The following TRPC5 variants were observed in gnomAD, a reference collection of about 807,000 sequenced individuals.
TRPC5 encodes the protein transient receptor potential cation channel subfamily C member 5.
In TRPC5, 9 loss-of-function variants were observed where a neutral mutation model predicts 56.5. The observed-to-expected ratio is 0.16, with a 90% CI of 0.10 to 0.28. The LOEUF (loss-of-function observed/expected upper bound fraction) is 0.28. TRPC5 is among the 10% of genes least tolerant of loss of function. TRPC5 has a pLI of 1.00. For missense variants in TRPC5, 469 were observed against 748.9 expected, an observed-to-expected ratio of 0.63 and a Z score of 4.36; for synonymous variants, 282 against 278.5, an observed-to-expected ratio of 1.01 and a Z score of -0.13.
At chrX:111,963,079 A>G (rs1048265909) in intron 1 of TRPC5, among the ~76,000 whole-genome samples, 1 of 112,262 alleles carries the variant, frequency 8.9e-6, no homozygotes, top group Non-Finnish European at 1.9e-5. Flanking sequence ...TCCTAGTCAA[A>G]GAAAGGGGTG....
chrX:111,817,808 A>C (rs779383677), intron 7 of TRPC5, among the ~76,000 whole-genome samples: 2 of 111,561 alleles, frequency 1.8e-5, no homozygotes, highest in Non-Finnish European at 3.8e-5. Flanking sequence ...GCTTTCATGC[A>C]CATCTACCAC....
chrX:111,817,799 C>T (rs1435975802), intron 7 of TRPC5, among the ~76,000 whole-genome samples: 3 of 111,523 alleles, frequency 2.7e-5, no homozygotes, highest in East Asian at 5.6e-4. Flanking sequence ...CTGACTCCTG[C>T]TTTCATGCAC....
chrX:111,852,193 CCAT>C (rs1923104167), intron 5 of TRPC5, 102 bp downstream of exon 5: 4 of 757,360 alleles, frequency 5.3e-6, no homozygotes, highest in Non-Finnish European at 7.7e-6. Flanking sequence ...ATGGATTGAG[CCAT>C]CATCATCATC....
intron 2 of TRPC5, among the ~76,000 whole-genome samples, chrX:111,932,471 C>G (rs1367104926): frequency 1.8e-5 from 2 of 110,710 alleles, no homozygotes; most frequent in African/African-American, 6.6e-5. Flanking sequence ...AGGAAGAAGA[C>G]AGATGAAAGA....
chrX:111,966,418 C>A (rs1459502755), intron 1 of TRPC5, among the ~76,000 whole-genome samples: 1 of 111,879 alleles, frequency 8.9e-6, no homozygotes, highest in Non-Finnish European at 1.9e-5. Context: ...GAACTGGTAC[C>A]ATTCCTTCTG....
At chrX:111,864,308 C>A (rs7885584) in intron 3 of TRPC5, among the ~76,000 whole-genome samples, 11,314 of 111,972 alleles carry the variant, frequency 0.1, 1,319 homozygotes, top group African/African-American at 0.34. Flanking sequence ...AATTCGTTTT[C>A]TATGTTGCTG....
At position 111,860,597 on chromosome X, in the gene TRPC5, G is replaced by A. The variant is rs563660808; in HGVS notation, c.901-6491C>T. Among the ~76,000 whole-genome samples, 53 of 112,017 alleles carry A rather than the reference G, an allele frequency of 4.7e-4. 1 individual carries two copies. The South Asian group carries it at 0.019, about 41-fold the overall frequency. On this transcript the variant is annotated intron_variant, in intron 3 of 10. Transcript: ENST00000262839. ...AACAATTGTCTGTAAATAACAAAAT[G>A]TCCAGTTTGGATACAGTTAGAAACA... is the stretch of plus-strand genomic sequence containing the variant.
intron 3 of TRPC5, among the ~76,000 whole-genome samples, chrX:111,905,686 A>G (rs1398692452): frequency 1.6e-4 from 18 of 110,943 alleles, no homozygotes; most frequent in East Asian, 5.7e-4. Flanking sequence ...AGGCCAAGGC[A>G]AGTGGATCAC....
At chrX:111,901,825 T>C (rs1276601475) in intron 3 of TRPC5, 1 of 1,056,394 alleles carries the variant, frequency 9.5e-7, no homozygotes, top group East Asian at 3.3e-5. Flanking sequence ...AGTGATATTT[T>C]ATCTATTTAG....
At chrX:111,942,491 TG>T (rs1409180280) in intron 2 of TRPC5, among the ~76,000 whole-genome samples, 1 of 111,320 alleles carries the variant, frequency 9.0e-6, no homozygotes, top group East Asian at 2.8e-4. Flanking sequence ...AAGAGTAGCT[TG>T]GGGGGCAGGA....
intron 3 of TRPC5, chrX:111,903,710 AAG>A (rs1364902302): frequency 8.9e-6 from 1 of 112,023 alleles, no homozygotes; most frequent in African/African-American, 3.2e-5. Flanking sequence ...CATGGCAGAA[AAG>A]AGAGGGGCTC....
intron 1 of TRPC5, among the ~76,000 whole-genome samples, chrX:112,009,793 C>T (rs1336004072): frequency 9.0e-6 from 1 of 110,732 alleles, no homozygotes; most frequent in Non-Finnish European, 1.9e-5. Flanking sequence ...GGGAATCGAA[C>T]AATGAGAACA....
intron 1 of TRPC5, among the ~76,000 whole-genome samples, chrX:112,020,308 T>C (rs1929239950): frequency 8.9e-6 from 1 of 112,404 alleles, no homozygotes. Flanking sequence ...GCTCTATTTC[T>C]CTTTCAGGAC....
chrX:112,009,362 A>T (rs1453780583), intron 1 of TRPC5, among the ~76,000 whole-genome samples: 1 of 111,062 alleles, frequency 9.0e-6, no homozygotes, highest in Non-Finnish European at 1.9e-5. Context: ...TGCTTCGGGT[A>T]TCTTCATCAT....
chrX:111,838,212 G>T (rs1195393330), intron 6 of TRPC5, among the ~76,000 whole-genome samples: 1 of 111,848 alleles, frequency 8.9e-6, no homozygotes, highest in Non-Finnish European at 1.9e-5. Flanking sequence ...GGGAAAATGG[G>T]GAGGGATAGG....
At chrX:111,902,083 G>A (rs1184731913) in intron 3 of TRPC5, 36 of 1,152,427 alleles carry the variant, frequency 3.1e-5, no homozygotes, top group Non-Finnish European at 3.9e-5. Context: ...CACCAAGAGA[G>A]GATGAAGACC....
At chrX:111,870,784 A>G (rs1333912277) in intron 3 of TRPC5, among the ~76,000 whole-genome samples, 1 of 111,690 alleles carries the variant, frequency 9.0e-6, no homozygotes, top group Non-Finnish European at 1.9e-5. Flanking sequence ...TGTCCAATAA[A>G]TGTTTTTAAA....
At chrX:111,935,352 A>G (rs1926537283) in intron 2 of TRPC5, among the ~76,000 whole-genome samples, 1 of 111,822 alleles carries the variant, frequency 8.9e-6, no homozygotes, top group Admixed American at 9.5e-5. Flanking sequence ...TAAACTCCTT[A>G]TATGTTCTGG....
At chrX:111,783,955 A>G (rs1043564907) in intron 7 of TRPC5, among the ~76,000 whole-genome samples, 2 of 111,630 alleles carry the variant, frequency 1.8e-5, no homozygotes, top group Non-Finnish European at 3.8e-5. Flanking sequence ...CTATAAGGGA[A>G]GAGGTTTATG....
Sources: allele counts gnomAD v4.1 joint callset (sites outside exome capture counted in the v4.1 genomes callset), GRCh38; gene constraint gnomAD v4.1.1; transcripts MANE v1.5; gene names NCBI Gene and HGNC (gene_info 2026-07-23, HGNC 2026-07-21).